Variants in NLRP2 observed in about 807,000 individuals in gnomAD.
NLRP2 encodes the protein NACHT, LRR and PYD domains-containing protein 2.
In NLRP2, 107 loss-of-function variants were observed where a neutral mutation model predicts 97.2. That is an observed-to-expected ratio of 1.10 (90% CI 0.94 to 1.29). NLRP2 has a LOEUF of 1.29. NLRP2 is among the 50% of genes most tolerant of loss of function. The pLI is 0.00. For synonymous variants in NLRP2, 663 were observed against 551.5 expected (o/e 1.20, Z -2.83); for missense variants, 1,495 against 1,330.3 (o/e 1.12, Z -1.93).
chr19:54,971,144 C>T (rs1052766905), intron 2 of NLRP2, among the ~76,000 whole-genome samples: 2 of 151,176 alleles, frequency 1.3e-5, no homozygotes, highest in African/African-American at 4.9e-5. Context: ...CTACAAAGGA[C>T]ATGAACTCAT....
intron 4 of NLRP2, among the ~76,000 whole-genome samples, 180 bp from the exon 5 acceptor site, chr19:54,981,437 G>A (rs907368869): frequency 6.6e-6 from 1 of 151,822 alleles, no homozygotes; most frequent in African/African-American, 2.4e-5. Context: ...CAAAGTTCTG[G>A]GATTATAGGC....
rs544403558 is a variant in NLRP2 at position 54,984,148 on chromosome 19, C to T, written c.2030+420C>T. ...TACAGGCATGATTCACCATGCCCGG[C>T]CCAAATATATTTTTTTAAGACAGGG... On this transcript the variant is annotated intron_variant, in intron 6 of 12. Coordinates refer to ENST00000448584, the MANE Select transcript of NLRP2 (RefSeq NM_017852.5). 3.3e-5 allele frequency among the ~76,000 whole-genome samples: 5 copies of T among 151,634 alleles called. No homozygotes were observed. In the East Asian group the frequency reaches 9.8e-4, roughly 30 times the overall value.
intron 8 of NLRP2, 91 bp downstream of exon 8, chr19:54,986,406 G>A (rs945978028): frequency 2.9e-5 from 35 of 1,225,250 alleles, no homozygotes; most frequent in African/African-American, 4.5e-5. Flanking sequence ...GAAAAAGTTC[G>A]TTATTCTGAC....
At chr19:54,977,487 TTGTGTGTGTGTGTGTGTGTGTG>T (rs61515967) in intron 3 of NLRP2, among the ~76,000 whole-genome samples, 8 of 147,424 alleles carry the variant, frequency 5.4e-5, no homozygotes, top group Admixed American at 4.2e-4. Flanking sequence ...CGTGAGTAGT[TTGTGTGTGTGTGTGTGTGTGTG>T]TGTGTGTGTG....
At chr19:54,969,926 A>T (rs998549423) in intron 1 of NLRP2, 73 bp from the exon 2 acceptor site, 2 of 1,461,606 alleles carry the variant, frequency 1.4e-6, no homozygotes, top group Non-Finnish European at 1.9e-6. Flanking sequence ...TTCGTGGCAC[A>T]GCAGGAACTG....
Position 54,983,663 on chromosome 19 carries a change from G to A in NLRP2, c.1965G>A (p.Leu655=), listed in dbSNP as rs142693093. The A allele has an allele frequency of 4.2e-4, 685 of 1,614,096 alleles. 4 individuals are homozygous for A. Among genetic ancestry groups the A allele is most frequent in the Middle Eastern group, 1.0e-3 (6 of 5,982 alleles). Residue 655 remains leucine (L), a synonymous_variant, in exon 6 of 13, where the codon CTG becomes CTA. Coordinates refer to ENST00000448584, the MANE Select transcript of NLRP2 (RefSeq NM_017852.5). ...GTCGAAACCTGCAGAAAATGTCACT[G>A]CAGGTAATAAAGGAGAATCTCCCGG... The part of the protein sequence containing the change: ...KHCRNLQKMS[L]QVIKENLPEN...
chr19:54,982,497 C>G lies in NLRP2; in HGVS notation c.799C>G (p.Pro267Ala). ...SFAELVFRDW[P>A]ELQDDIPHIL... ...TGCAGAGCTGGTCTTCAGGGACTGGCCTGAATTGCAGGATGACATTCCACA... is the reference window on the plus strand; with the variant it reads ...TGCAGAGCTGGTCTTCAGGGACTGGGCTGAATTGCAGGATGACATTCCACA... Residue 267 changes from proline to alanine, a missense_variant, in exon 6 of 13, where the codon CCT (proline) becomes GCT (alanine). Coordinates refer to ENST00000448584, the MANE Select transcript of NLRP2 (RefSeq NM_017852.5). 2.5e-6 allele frequency: 4 copies of G among 1,614,182 alleles called. No homozygotes were observed. Among genetic ancestry groups the G allele is most frequent in the Non-Finnish European group, 3.4e-6 (4 of 1,180,028 alleles).
chr19:55,000,895 C>A lies in NLRP2; in HGVS notation c.3186C>A (p.Ile1062=), dbSNP rs866628349. 6.2e-7 allele frequency: 1 copy of A among 1,613,530 alleles called. No homozygotes were observed. Among genetic ancestry groups the A allele is most frequent in the Non-Finnish European group, 8.5e-7 (1 of 1,179,674 alleles). Residue 1062 remains isoleucine (I), a synonymous_variant, in exon 13 of 13, where the codon ATC becomes ATA. Coordinates refer to ENST00000448584, the MANE Select transcript of NLRP2 (RefSeq NM_017852.5). ...GGCCTTCTTCTCATGACTTCATGAT[C>A]TGAATCCCCCCGAGTCATTCATTCT... ...AERPSSHDFM[I] is the part of the protein sequence containing the mutation.
rs1285934690 is a variant in NLRP2 at position 54,970,094 on chromosome 19, A to T, written c.79A>T (p.Lys27Ter). The change falls in exon 2 of 13, where the codon AAG (lysine) becomes TAG (stop). Residue 27 changes from lysine (K) to a stop codon, truncating the protein, a stop_gained. Transcript: ENST00000448584. LOFTEE classifies it high-confidence loss of function. ...CAGCCAGGATGAGTTGAGCAAGTTCAAGTATCTGATCACGACCTTCTCCCT... is the reference window on the plus strand; with the variant it reads ...CAGCCAGGATGAGTTGAGCAAGTTCTAGTATCTGATCACGACCTTCTCCCT... ...QLSQDELSKF[K>*]YLITTFSLAH... 6.2e-7 allele frequency: 1 copy of T among 1,613,950 alleles called. No individual in the cohort carries two copies. The highest frequency in any genetic ancestry group is 1.3e-5 in the African/African-American group (1 of 74,892).
chr19:54,979,352 T>C (rs4806464), intron 4 of NLRP2, among the ~76,000 whole-genome samples: 13,507 of 151,972 alleles, frequency 0.089, 856 homozygotes, highest in East Asian at 0.24. Context: ...GCATTTTTGT[T>C]TTTTCTTGAG....
rs747084958 is a variant in NLRP2 at position 54,977,822 on chromosome 19, A to G, written c.396A>G (p.Gln132=). 2.5e-6 allele frequency: 4 copies of G among 1,613,630 alleles called. No homozygotes were observed. Among genetic ancestry groups the G allele is most frequent in the Non-Finnish European group, 3.4e-6 (4 of 1,179,960 alleles). Residue 132 remains glutamine (Q), a splice_region_variant and synonymous_variant, in exon 4 of 13, where the codon CAA becomes CAG. Coordinates refer to ENST00000448584, the MANE Select transcript of NLRP2 (RefSeq NM_017852.5). ...TGGAGCGCTTCAAAACAGAAGCACA[A>G]GGTGGGTGTCAGGACCTCCAATGTT... ...EMLERFKTEA[Q]AFTETKGNVI...
At chr19:54,968,143 C>G (rs2070596528) in intron 1 of NLRP2, among the ~76,000 whole-genome samples, 2 of 152,008 alleles carry the variant, frequency 1.3e-5, no homozygotes, top group South Asian at 4.1e-4. Context: ...GTCTCAAGCT[C>G]CAGACCTCAG....
At position 54,983,365 on chromosome 19, in the gene NLRP2, A is replaced by C. The variant is rs750170621; in HGVS notation, c.1667A>C (p.Tyr556Ser). The C allele has an allele frequency of 3.1e-6, 5 of 1,614,036 alleles. No homozygotes were observed. The Admixed American group carries it at 5.0e-5, about 16-fold the overall frequency. Residue 556 changes from tyrosine to serine, a missense_variant, in exon 6 of 13, where the codon TAC becomes TCC. By Grantham distance (144) the Tyr-to-Ser change is moderately radical. Transcript: ENST00000448584. ...RNPDLIQAGY[Y>S]SFGLANEKRA... ...CCCGACCTGATCCAAGCAGGCTACTACTCCTTTGGCCTCGCTAACGAGAAG... is the reference window on the plus strand; with the variant it reads ...CCCGACCTGATCCAAGCAGGCTACTCCTCCTTTGGCCTCGCTAACGAGAAG...
chr19:54,968,621 C>G (rs1372311769), intron 1 of NLRP2, among the ~76,000 whole-genome samples: 5 of 151,564 alleles, frequency 3.3e-5, no homozygotes, highest in Non-Finnish European at 2.9e-5. Context: ...TGAGCCATGG[C>G]CCCCCGGCCA....
Position 55,000,958 on chromosome 19 carries a change from C to T in NLRP2, c.*60C>T, listed in dbSNP as rs2073157910. ...CGATTTTCCAGGTGTTGGTGAACTGCCTGTGACTCCTCTCCTCCCCGGCCC... is the reference window on the plus strand; with the variant it reads ...CGATTTTCCAGGTGTTGGTGAACTGTCTGTGACTCCTCTCCTCCCCGGCCC... On this transcript the variant is annotated 3_prime_UTR_variant, in exon 13 of 13. Coordinates refer to ENST00000448584, the MANE Select transcript of NLRP2 (RefSeq NM_017852.5). 2 of 1,494,042 alleles carry T rather than the reference C, an allele frequency of 1.3e-6. No individual in the cohort carries two copies. The highest frequency in any genetic ancestry group is 1.7e-5 in the Admixed American group (1 of 59,782). The allele number at this position is 1,494,042 out of a possible 1,614,324, so 92.5% of individuals were successfully genotyped here. A position where few individuals can be genotyped will look rare whatever the true frequency, so the allele number is the denominator to read the frequency against.
chr19:54,975,995 C>T (rs2071206957), intron 3 of NLRP2, among the ~76,000 whole-genome samples: 1 of 151,890 alleles, frequency 6.6e-6, no homozygotes, highest in Non-Finnish European at 1.5e-5. Context: ...GTGATCCTCC[C>T]ACCTTGGCCT....
At chr19:54,967,488 AAAAT>A (rs2070533568) in intron 1 of NLRP2, among the ~76,000 whole-genome samples, 1 of 152,026 alleles carries the variant, frequency 6.6e-6, no homozygotes, top group African/African-American at 2.4e-5. Flanking sequence ...CTCAAAAAAT[AAAAT>A]AAAATAAAAT....
intron 10 of NLRP2, chr19:54,993,265 T>G (rs2072608050): frequency 6.8e-6 from 1 of 146,512 alleles, no homozygotes; most frequent in African/African-American, 2.4e-5. Flanking sequence ...TTTCAAGATT[T>G]GGGGGTGTGT....
At chr19:54,983,779 G>C (rs752920496) in intron 6 of NLRP2, 51 bp downstream of exon 6, 3 of 1,599,388 alleles carry the variant, frequency 1.9e-6, no homozygotes, top group Non-Finnish European at 2.5e-6. Context: ...CTCATCCCAT[G>C]CCCCCTTAGG....
Sources: allele counts gnomAD v4.1 joint callset (sites outside exome capture counted in the v4.1 genomes callset), GRCh38; gene constraint gnomAD v4.1.1; transcripts MANE v1.5; gene names NCBI Gene and HGNC (gene_info 2026-07-23, HGNC 2026-07-21).